Variants in BBS9 observed in about 807,000 individuals in gnomAD.
BBS9 encodes protein PTHB1.
In BBS9, 89 loss-of-function variants were observed where a neutral mutation model predicts 117.7. The observed-to-expected ratio is 0.76, with a 90% CI of 0.64 to 0.90. BBS9 has a LOEUF of 0.90. Ranked by LOEUF, BBS9 falls within the 40% of genes least tolerant of loss-of-function variation. BBS9 has a pLI of 0.00. For missense variants in BBS9, 982 were observed against 1,042.2 expected (o/e 0.94, Z 0.80); for synonymous variants, 379 against 370.9 (o/e 1.02, Z -0.25).
intron 18 of BBS9, among the ~76,000 whole-genome samples, chr7:33,386,609 G>C (rs1046014791): frequency 1.3e-5 from 2 of 151,936 alleles, no homozygotes; most frequent in Non-Finnish European, 2.9e-5. Context: ...TCCTGCCTCA[G>C]CCTCCTGAGT....
At chr7:33,529,915 A>G (rs1850306809) in intron 20 of BBS9, among the ~76,000 whole-genome samples, 1 of 152,234 alleles carries the variant, frequency 6.6e-6, no homozygotes, top group Non-Finnish European at 1.5e-5. Context: ...GTATTTAGAC[A>G]TTAAAACTGA....
chr7:33,461,800 T>A (rs1447881240), intron 19 of BBS9, among the ~76,000 whole-genome samples: 3 of 152,038 alleles, frequency 2.0e-5, no homozygotes, highest in Non-Finnish European at 4.4e-5. Flanking sequence ...TTCTTCTTTG[T>A]CATGTTGCTG....
intron 19 of BBS9, among the ~76,000 whole-genome samples, chr7:33,452,076 CA>C (rs978149273): frequency 6.6e-6 from 1 of 152,170 alleles, no homozygotes; most frequent in African/African-American, 2.4e-5. Flanking sequence ...TCAAGCAATT[CA>C]CCTGCCTCAG....
At position 33,137,484 on chromosome 7, in the gene BBS9, A is replaced by G. The variant is rs532960325; in HGVS notation, c.-12+7443A>G. Among the ~76,000 whole-genome samples the G allele has an allele frequency of 2.3e-3, 348 of 152,288 alleles. 1 individual carries two copies. The highest frequency in any genetic ancestry group is 4.2e-3 in the Non-Finnish European group (283 of 68,010). On this transcript the variant is annotated intron_variant, in intron 1 of 22. Coordinates refer to ENST00000242067, the MANE Select transcript of BBS9 (RefSeq NM_198428.3). ...CTCCGCAGAGTGGGCAGCCCCTGCC[A>G]TGCCTCCCCCGCTGCAGCCAGTGTC...
intron 5 of BBS9, among the ~76,000 whole-genome samples, chr7:33,238,354 G>A (rs181940938): frequency 2.3e-4 from 35 of 151,978 alleles, no homozygotes; most frequent in East Asian, 3.9e-4. Context: ...GCAATGGCGC[G>A]ATCTTAGCTC....
At chr7:33,626,261 T>G (rs1865631550) in intron 21 of BBS9, among the ~76,000 whole-genome samples, 1 of 152,222 alleles carries the variant, frequency 6.6e-6, no homozygotes, top group African/African-American at 2.4e-5. Flanking sequence ...TTCTGAGGCC[T>G]CCCCAGCCCT....
At chr7:33,132,971 G>A (rs987290113) in intron 1 of BBS9, among the ~76,000 whole-genome samples, 2 of 151,740 alleles carry the variant, frequency 1.3e-5, no homozygotes, top group African/African-American at 4.8e-5. Flanking sequence ...GCCATGCTTG[G>A]CAAAGATGAG....
chr7:33,603,482 C>T (rs1055450840), intron 21 of BBS9, among the ~76,000 whole-genome samples: 1 of 152,136 alleles, frequency 6.6e-6, no homozygotes, highest in African/African-American at 2.4e-5. Context: ...TGGCAAGTTA[C>T]TGAATCTCAT....
chr7:33,194,128 A>G (rs73688909), intron 5 of BBS9, among the ~76,000 whole-genome samples: 114 of 151,848 alleles, frequency 7.5e-4, no homozygotes, highest in Middle Eastern at 3.4e-3. Context: ...TAAAACCTGT[A>G]TTTTTCTTTT....
chr7:33,150,584 T>C (rs964874188), intron 2 of BBS9, among the ~76,000 whole-genome samples: 4 of 152,136 alleles, frequency 2.6e-5, no homozygotes, highest in African/African-American at 7.2e-5. Context: ...AACCAAAGAT[T>C]GAGGCAGACA....
chr7:33,322,477 T>C (rs1313593880), intron 9 of BBS9, among the ~76,000 whole-genome samples: 1 of 151,598 alleles, frequency 6.6e-6, no homozygotes, highest in African/African-American at 2.4e-5. Context: ...TATATTTGTA[T>C]GTGTCTAGGA....
chr7:33,406,890 GGT>G (rs1479764899), intron 19 of BBS9, among the ~76,000 whole-genome samples: 1 of 152,084 alleles, frequency 6.6e-6, no homozygotes, highest in Non-Finnish European at 1.5e-5. Flanking sequence ...TTTCAACTTT[GGT>G]GAATCTGACA....
chr7:33,315,075 T>C (rs1324216972), intron 9 of BBS9, among the ~76,000 whole-genome samples: 2 of 152,188 alleles, frequency 1.3e-5, no homozygotes, highest in Non-Finnish European at 2.9e-5. Context: ...TTTCTGCTCT[T>C]GGCTGGTGTA....
chr7:33,375,413 C>T (rs1012496656), intron 17 of BBS9, among the ~76,000 whole-genome samples: 3 of 151,796 alleles, frequency 2.0e-5, no homozygotes, highest in African/African-American at 7.3e-5. Flanking sequence ...TGGAAAGTCT[C>T]CAGGGATAGT....
intron 21 of BBS9, among the ~76,000 whole-genome samples, chr7:33,634,305 C>T (rs886410324): frequency 2.0e-5 from 3 of 152,142 alleles, no homozygotes; most frequent in Non-Finnish European, 4.4e-5. Flanking sequence ...GTGTGTGAGT[C>T]GTGAGAGGTG....
chr7:33,273,289 A>G (rs1356053356), intron 8 of BBS9, 94 bp downstream of exon 8: 2 of 1,267,828 alleles, frequency 1.6e-6, no homozygotes, highest in African/African-American at 3.0e-5. Context: ...TTGTAAACAT[A>G]TATGAAAACA....
At chr7:33,562,863 G>A (rs1014534564) in intron 21 of BBS9, among the ~76,000 whole-genome samples, 1 of 152,092 alleles carries the variant, frequency 6.6e-6, no homozygotes, top group Non-Finnish European at 1.5e-5. Context: ...GGTGGAAGTC[G>A]TAGTGAGCCG....
intron 21 of BBS9, among the ~76,000 whole-genome samples, chr7:33,590,053 T>G (rs1449140382): frequency 2.0e-5 from 3 of 152,060 alleles, no homozygotes; most frequent in Non-Finnish European, 2.9e-5. Context: ...AAAAAAAGTT[T>G]CAAGGAAGAC....
intron 9 of BBS9, among the ~76,000 whole-genome samples, chr7:33,335,511 A>AT (rs1563017744): frequency 6.6e-6 from 1 of 152,308 alleles, no homozygotes; most frequent in Non-Finnish European, 1.5e-5. Flanking sequence ...ACGATGTTGA[A>AT]TTTTTTTGTT....
Sources: allele counts gnomAD v4.1 joint callset (sites outside exome capture counted in the v4.1 genomes callset), GRCh38; gene constraint gnomAD v4.1.1; transcripts MANE v1.5; gene names NCBI Gene and HGNC (gene_info 2026-07-23, HGNC 2026-07-21).